Variants in CNTN4 observed in about 807,000 individuals in gnomAD.
CNTN4 encodes contactin-4.
CNTN4 carries 77 observed loss-of-function variants against 122.5 expected under a neutral mutation model. The ratio of observed to expected loss-of-function variants is 0.63; its 90% CI spans 0.52 to 0.76. CNTN4 has a LOEUF of 0.76. Ranked by LOEUF, CNTN4 falls within the 30% of genes least tolerant of loss-of-function variation. The pLI is 0.00. For missense variants in CNTN4, 1,256 were observed against 1,259.1 expected (o/e 1.00, Z 0.04); for synonymous variants, 512 against 447.0 (o/e 1.15, Z -1.83).
intron 2 of CNTN4, among the ~76,000 whole-genome samples, chr3:2,152,351 A>G (rs1281716652): frequency 6.6e-6 from 1 of 152,172 alleles, no homozygotes; most frequent in Non-Finnish European, 1.5e-5. Context: ...TTTGTAAACC[A>G]CTGTCAGGAC....
intron 3 of CNTN4, among the ~76,000 whole-genome samples, chr3:2,453,968 G>A (rs1396711365): frequency 1.3e-5 from 2 of 152,098 alleles, no homozygotes; most frequent in Non-Finnish European, 2.9e-5. Flanking sequence ...ATGGGAATAT[G>A]AAAAATATTG....
At chr3:2,564,688 A>G (rs2079085574) in intron 3 of CNTN4, among the ~76,000 whole-genome samples, 1 of 152,102 alleles carries the variant, frequency 6.6e-6, no homozygotes. Flanking sequence ...ATCTTTTGAA[A>G]TATCACTGTG....
intron 2 of CNTN4, among the ~76,000 whole-genome samples, chr3:2,192,664 C>T (rs566381017): frequency 1.3e-4 from 20 of 152,218 alleles, no homozygotes; most frequent in African/African-American, 4.3e-4. Flanking sequence ...GACATTTATG[C>T]AAAATTCTAC....
At chr3:2,116,530 C>T (rs2033365191) in intron 2 of CNTN4, among the ~76,000 whole-genome samples, 1 of 152,092 alleles carries the variant, frequency 6.6e-6, no homozygotes, top group Non-Finnish European at 1.5e-5. Flanking sequence ...GAATAGGCTC[C>T]CCATGTGATT....
intron 2 of CNTN4, among the ~76,000 whole-genome samples, chr3:2,209,352 G>C (rs2038503115): frequency 1.3e-5 from 2 of 152,150 alleles, no homozygotes. Context: ...ACATCTAACT[G>C]CTAAGGAGCT....
At chr3:2,286,236 G>GC (rs34154954) in intron 2 of CNTN4, among the ~76,000 whole-genome samples, 49,060 of 136,494 alleles carry the variant, frequency 0.36, 10,309 homozygotes, top group African/African-American at 0.57. Context: ...TACACCCCCT[G>GC]CCCCCCCCAC....
chr3:2,718,294 T>A (rs919442415), intron 4 of CNTN4, among the ~76,000 whole-genome samples: 1 of 152,202 alleles, frequency 6.6e-6, no homozygotes, highest in South Asian at 2.1e-4. Flanking sequence ...TTTCTCTATG[T>A]TGGGAAAGTA....
At chr3:2,140,169 A>G (rs1433546592) in intron 2 of CNTN4, among the ~76,000 whole-genome samples, 2 of 152,208 alleles carry the variant, frequency 1.3e-5, no homozygotes, top group Non-Finnish European at 2.9e-5. Flanking sequence ...CTGAGAGTCC[A>G]TTAAACCTCT....
chr3:2,234,370 C>CAAACA (rs2039603194), intron 2 of CNTN4, among the ~76,000 whole-genome samples: 1 of 94,742 alleles, frequency 1.1e-5, no homozygotes, highest in African/African-American at 3.8e-5. Flanking sequence ...AAGTCCATCT[C>CAAACA]AAAAAAAAAA....
chr3:2,989,877 T>A (rs1337164815), intron 14 of CNTN4, among the ~76,000 whole-genome samples: 2 of 152,228 alleles, frequency 1.3e-5, no homozygotes, highest in African/African-American at 4.8e-5. Context: ...GTTTCAGAGC[T>A]GGTTAGACAC....
rs187488400 is a variant in CNTN4, at chr3:2,748,116, A to G, written c.358+2419A>G. On this transcript the variant is annotated intron_variant, in intron 6 of 24. Coordinates refer to ENST00000418658, the MANE Select transcript of CNTN4 (RefSeq NM_175607.3). The stretch of plus-strand genomic sequence containing the variant: ...CACAGAATTCCATATATGTGTCTTA[A>G]CTTTTGCAAAGGACACTGGGGACAG... Among the ~76,000 whole-genome samples, 96 of 152,288 alleles carry G rather than the reference A, an allele frequency of 6.3e-4. No individual in the cohort carries two copies. The East Asian group carries it at 0.016, about 25-fold the overall frequency.
At chr3:2,426,189 ATGT>A (rs1171159327) in intron 3 of CNTN4, among the ~76,000 whole-genome samples, 6 of 152,142 alleles carry the variant, frequency 3.9e-5, no homozygotes, top group African/African-American at 1.4e-4. Context: ...ATTCAGTATG[ATGT>A]TAGCTGTGGG....
At chr3:2,502,669 T>A (rs766009737) in intron 3 of CNTN4, among the ~76,000 whole-genome samples, 1 of 152,186 alleles carries the variant, frequency 6.6e-6, no homozygotes, top group Non-Finnish European at 1.5e-5. Context: ...TTTTCGTGGC[T>A]GTAAAGAGAG....
At chr3:2,617,431 T>TTTTTC (rs1279621332) in intron 4 of CNTN4, among the ~76,000 whole-genome samples, 1 of 144,364 alleles carries the variant, frequency 6.9e-6, no homozygotes, top group South Asian at 2.2e-4. Flanking sequence ...TTTTTTTTTT[T>TTTTTC]TTTTTTTGAG....
Position 2,798,221 on chromosome 3 carries a change from C to T in CNTN4, c.359-21265C>T, listed in dbSNP as rs140472593. Among the ~76,000 whole-genome samples the T allele has an allele frequency of 7.1e-4, 107 of 151,246 alleles. 2 individuals carry two copies. The East Asian group carries it at 0.019, about 26-fold the overall frequency. ...TTAAGATAATGGCCTTCAGTTCCATCGATGTTGCTACAAAAGACAAGATTT... is the reference window on the plus strand; with the variant it reads ...TTAAGATAATGGCCTTCAGTTCCATTGATGTTGCTACAAAAGACAAGATTT... On this transcript the variant is annotated intron_variant, in intron 6 of 24. Transcript: ENST00000418658.
intron 3 of CNTN4, among the ~76,000 whole-genome samples, chr3:2,554,357 A>G (rs1575970417): frequency 6.6e-6 from 1 of 152,086 alleles, no homozygotes; most frequent in South Asian, 2.1e-4. Flanking sequence ...AAAAACCCAA[A>G]CATACTTTGC....
chr3:2,733,748 C>T (rs938064279), intron 4 of CNTN4, among the ~76,000 whole-genome samples: 1 of 151,876 alleles, frequency 6.6e-6, no homozygotes, highest in African/African-American at 2.4e-5. Flanking sequence ...GTTGGCCAGG[C>T]TGGTCTCAAA....
chr3:2,926,179 C>A (rs139310625), intron 13 of CNTN4, among the ~76,000 whole-genome samples: 2 of 152,254 alleles, frequency 1.3e-5, no homozygotes, highest in East Asian at 3.9e-4. Flanking sequence ...TTGGCAGTGG[C>A]TATTATGTCT....
chr3:2,287,267 T>C (rs923436960), intron 2 of CNTN4, among the ~76,000 whole-genome samples: 2 of 152,132 alleles, frequency 1.3e-5, no homozygotes, highest in Non-Finnish European at 2.9e-5. Context: ...GTTTTTTTCA[T>C]AGCACATTTT....
Sources: gnomAD v4.1 joint callset for allele counts (sites outside exome capture counted in the v4.1 genomes callset) on GRCh38, gnomAD v4.1.1 for gene constraint, MANE v1.5 for transcripts, NCBI Gene and HGNC (gene_info 2026-07-23, HGNC 2026-07-21) for gene names.